Variants in ZFAT observed in about 807,000 individuals in gnomAD.
ZFAT encodes the protein zinc finger and AT-hook domain containing.
A neutral mutation model predicts 117.7 loss-of-function variants in ZFAT; 64 were observed. That is an observed-to-expected ratio of 0.54 (90% CI 0.44 to 0.67). The LOEUF (loss-of-function observed/expected upper bound fraction) is 0.67. Ranked by LOEUF, ZFAT falls within the 30% of genes least tolerant of loss-of-function variation. The probability of loss-of-function intolerance (pLI) is 0.00; values close to 1 mark genes in which losing one functional copy is unlikely to be tolerated. For missense variants in ZFAT, 1,433 were observed against 1,584.5 expected, an observed-to-expected ratio of 0.90 and a Z score of 1.62; for synonymous variants, 679 against 615.0, an observed-to-expected ratio of 1.10 and a Z score of -1.54.
At chr8:134,627,413 C>A (rs2131051552) in intron 3 of ZFAT, among the ~76,000 whole-genome samples, 1 of 152,274 alleles carries the variant, frequency 6.6e-6, no homozygotes, top group East Asian at 1.9e-4. Context: ...CATTAGACGG[C>A]AAACAAGAGG....
At chr8:134,650,772 T>C (rs1232415116) in intron 2 of ZFAT, among the ~76,000 whole-genome samples, 8 of 152,224 alleles carry the variant, frequency 5.3e-5, no homozygotes, top group Non-Finnish European at 8.8e-5. Flanking sequence ...ACTCAATTGA[T>C]TTTTGACAAG....
the ZFAT span, among the ~76,000 whole-genome samples, chr8:134,738,878 G>A: frequency 6.6e-6 from 1 of 152,202 alleles, no homozygotes; most frequent in Admixed American, 6.5e-5. Context: ...GAACAGTGGG[G>A]AGAAGGTAAG....
At chr8:134,654,309 A>T (rs1389550093) in intron 2 of ZFAT, among the ~76,000 whole-genome samples, 1 of 152,208 alleles carries the variant, frequency 6.6e-6, no homozygotes, top group Non-Finnish European at 1.5e-5. Context: ...TCAAAAAAAA[A>T]AATTACTCTT....
chr8:134,522,179 A>T (rs1170152103), intron 12 of ZFAT, among the ~76,000 whole-genome samples: 2 of 152,350 alleles, frequency 1.3e-5, no homozygotes, highest in African/African-American at 4.8e-5. Context: ...CCAGGTAAGG[A>T]GGATGCCAGG....
chr8:134,665,090 C>A (rs1421619147), intron 1 of ZFAT, among the ~76,000 whole-genome samples: 3 of 152,236 alleles, frequency 2.0e-5, no homozygotes, highest in Admixed American at 2.0e-4. Context: ...CCTCTGACCT[C>A]CCTGCCTGCT....
At chr8:134,759,463 A>C in the ZFAT span, among the ~76,000 whole-genome samples, 1 of 152,210 alleles carries the variant, frequency 6.6e-6, no homozygotes, top group Non-Finnish European at 1.5e-5. Flanking sequence ...GGACATCAAA[A>C]TTCTGAACAG....
At chr8:134,682,586 C>T (rs560981948) in intron 1 of ZFAT, among the ~76,000 whole-genome samples, 4 of 152,106 alleles carry the variant, frequency 2.6e-5, no homozygotes, top group Admixed American at 6.5e-5. Flanking sequence ...GCCTGGAAGG[C>T]GGAGGTTGCA....
intron 10 of ZFAT, among the ~76,000 whole-genome samples, chr8:134,570,808 G>A (rs897458645): frequency 6.6e-6 from 1 of 152,176 alleles, no homozygotes; most frequent in African/African-American, 2.4e-5. Context: ...GTGGACAAGA[G>A]ACTCTAGCTG....
chr8:134,574,628 T>C (rs1000546096), intron 10 of ZFAT, among the ~76,000 whole-genome samples: 1 of 152,044 alleles, frequency 6.6e-6, no homozygotes, highest in African/African-American at 2.4e-5. Flanking sequence ...CAATGAAAAA[T>C]TCCTTGGGAT....
chr8:134,711,371 G>T (rs1016519594), intron 1 of ZFAT, among the ~76,000 whole-genome samples: 1 of 152,182 alleles, frequency 6.6e-6, no homozygotes, highest in Non-Finnish European at 1.5e-5. Context: ...GAGCATTTCC[G>T]ATTTCGGATT....
chr8:134,571,198 G>A (rs1390794739), intron 10 of ZFAT, among the ~76,000 whole-genome samples: 5 of 152,224 alleles, frequency 3.3e-5, no homozygotes, highest in Non-Finnish European at 4.4e-5. Flanking sequence ...ACTGCAACAC[G>A]CCACGAAGGA....
chr8:134,803,975 T>A, the ZFAT span, among the ~76,000 whole-genome samples: 13 of 152,324 alleles, frequency 8.5e-5, no homozygotes, highest in African/African-American at 3.1e-4. Context: ...AAAAAACCAA[T>A]GCTTTATTGA....
At chr8:134,549,211 G>A (rs560945741) in intron 11 of ZFAT, among the ~76,000 whole-genome samples, 125 of 152,250 alleles carry the variant, frequency 8.2e-4, no homozygotes, top group Non-Finnish European at 1.6e-3. Context: ...GGAGGCCGAG[G>A]CAGGCGGATC....
intron 11 of ZFAT, among the ~76,000 whole-genome samples, chr8:134,534,355 A>T (rs75439028): frequency 0.012 from 1,881 of 152,270 alleles, 36 homozygotes; most frequent in African/African-American, 0.043. Context: ...TTACTCCTCC[A>T]CTGTCCAATT....
chr8:134,721,305 C>T, the ZFAT span, among the ~76,000 whole-genome samples: 2 of 152,338 alleles, frequency 1.3e-5, no homozygotes, highest in African/African-American at 2.4e-5. Flanking sequence ...GTGAAATGGT[C>T]AGCTCCTTTC....
At chr8:134,492,857 C>A (rs1018537165) in intron 15 of ZFAT, among the ~76,000 whole-genome samples, 8 of 152,084 alleles carry the variant, frequency 5.3e-5, no homozygotes, top group African/African-American at 1.9e-4. Context: ...TCTGAGGGGG[C>A]AATATGTGCA....
chr8:134,643,584 A>ATGCCACT (rs1485370991), intron 2 of ZFAT, among the ~76,000 whole-genome samples: 6 of 152,222 alleles, frequency 3.9e-5, no homozygotes, highest in Non-Finnish European at 8.8e-5. Flanking sequence ...AGTCACAGCC[A>ATGCCACT]TGCCACTTGT....
At chr8:134,503,945 C>G (rs891796063) in intron 15 of ZFAT, among the ~76,000 whole-genome samples, 8 of 142,148 alleles carry the variant, frequency 5.6e-5, no homozygotes, top group South Asian at 2.6e-4. Context: ...CACACGCACA[C>G]GAACACACAC....
intron 15 of ZFAT, among the ~76,000 whole-genome samples, chr8:134,486,950 G>T (rs1159123482): frequency 6.6e-6 from 1 of 152,156 alleles, no homozygotes; most frequent in East Asian, 1.9e-4. Context: ...GTGTGTTCAT[G>T]TGTATATCTG....
Sources: gnomAD v4.1 joint callset for allele counts (sites outside exome capture counted in the v4.1 genomes callset) on GRCh38, gnomAD v4.1.1 for gene constraint, MANE v1.5 for transcripts, NCBI Gene and HGNC (gene_info 2026-07-23, HGNC 2026-07-21) for gene names.